APP: variants seen among roughly 807,000 people sequenced by gnomAD.
The protein encoded by APP is amyloid-beta precursor protein.
In APP, 31 loss-of-function variants were observed where a neutral mutation model predicts 101.4. The observed-to-expected ratio is 0.31, with a 90% CI of 0.23 to 0.41. The LOEUF is 0.41. APP is among the 10% of genes least tolerant of loss of function. The pLI is 1.00. For missense variants in APP, 839 were observed against 1,003.7 expected, an observed-to-expected ratio of 0.84 and a Z score of 2.22; for synonymous variants, 366 against 364.4, an observed-to-expected ratio of 1.00 and a Z score of -0.05.
intron 11 of APP, among the ~76,000 whole-genome samples, chr21:25,964,606 C>CTTTTTTTTTT (rs150904952): frequency 8.2e-6 from 1 of 122,568 alleles, no homozygotes; most frequent in Non-Finnish European, 1.7e-5. Flanking sequence ...TTTTTCTTTT[C>CTTTTTTTTTT]TTTTTTTTTT....
intron 2 of APP, among the ~76,000 whole-genome samples, chr21:26,100,986 C>T (rs1304682523): frequency 6.6e-6 from 1 of 152,104 alleles, no homozygotes; most frequent in East Asian, 1.9e-4. Context: ...ACATCAACAC[C>T]TTCAAGAAGC....
At chr21:26,117,899 A>G (rs1220754111) in intron 1 of APP, among the ~76,000 whole-genome samples, 1 of 152,224 alleles carries the variant, frequency 6.6e-6, no homozygotes, top group Non-Finnish European at 1.5e-5. Context: ...AATTCCTTTC[A>G]GAGGAGTAAT....
intron 10 of APP, 150 bp downstream of exon 10, chr21:25,975,804 A>G (rs1156969364): frequency 2.9e-6 from 2 of 699,536 alleles, no homozygotes; most frequent in African/African-American, 3.5e-5. Context: ...TAAACAACTC[A>G]ATTACTAGAC....
chr21:25,980,755 G>T (rs2042401542), intron 9 of APP, among the ~76,000 whole-genome samples: 1 of 152,118 alleles, frequency 6.6e-6, no homozygotes, highest in African/African-American at 2.4e-5. Flanking sequence ...TTCAAGGGTA[G>T]ATTTTCTTAT....
chr21:26,146,147 C>A (rs2063149926), intron 1 of APP, among the ~76,000 whole-genome samples: 1 of 152,200 alleles, frequency 6.6e-6, no homozygotes, highest in Non-Finnish European at 1.5e-5. Flanking sequence ...CCAGCCTGGC[C>A]AACATGGTGA....
At chr21:25,986,971 T>C (rs914263152) in intron 8 of APP, among the ~76,000 whole-genome samples, 27 of 152,206 alleles carry the variant, frequency 1.8e-4, no homozygotes, top group African/African-American at 6.3e-4. Context: ...CTGTTAAGAT[T>C]GGGTAAGCCA....
At chr21:26,148,312 C>T (rs1313116537) in intron 1 of APP, among the ~76,000 whole-genome samples, 3 of 152,192 alleles carry the variant, frequency 2.0e-5, no homozygotes, top group Admixed American at 1.3e-4. Flanking sequence ...GTCACCAGTG[C>T]CTGGTCACCG....
At chr21:26,033,670 A>C (rs1490118005) in intron 5 of APP, among the ~76,000 whole-genome samples, 1 of 152,202 alleles carries the variant, frequency 6.6e-6, no homozygotes, top group African/African-American at 2.4e-5. Flanking sequence ...CTGAAGCAGA[A>C]GAGTGGCAAG....
In APP at chr21:26,117,277, G is replaced by A. The variant is rs530569023; in HGVS notation, c.58-5131C>T. Among the ~76,000 whole-genome samples the A allele has an allele frequency of 9.8e-5, 15 of 152,354 alleles. No homozygotes were observed. The South Asian group carries it at 2.7e-3, about 27-fold the overall frequency. Reference sequence around the variant, plus strand: ...CATAATTCAACTATACCCCACAAGAGTGCTTTACATTTTCATATTAAAACA... The same window carrying A: ...CATAATTCAACTATACCCCACAAGAATGCTTTACATTTTCATATTAAAACA... On this transcript the variant is annotated intron_variant, in intron 1 of 17. Transcript: ENST00000346798.
chr21:26,075,566 G>A (rs1222529804), intron 3 of APP, among the ~76,000 whole-genome samples: 1 of 152,108 alleles, frequency 6.6e-6, no homozygotes, highest in Non-Finnish European at 1.5e-5. Flanking sequence ...TCTATTAAAA[G>A]AGCTAACATA....
At chr21:25,927,871 G>A (rs577394906) in intron 13 of APP, among the ~76,000 whole-genome samples, 3 of 152,230 alleles carry the variant, frequency 2.0e-5, no homozygotes, top group Admixed American at 6.5e-5. Context: ...ACCTACCAGT[G>A]GCATCAGTCA....
chr21:25,952,189 C>CAT (rs140120458), intron 13 of APP, among the ~76,000 whole-genome samples: 1 of 136,322 alleles, frequency 7.3e-6, no homozygotes, highest in African/African-American at 2.7e-5. Flanking sequence ...ATATTACATA[C>CAT]ATACACACAC....
intron 6 of APP, among the ~76,000 whole-genome samples, chr21:26,015,887 G>T (rs1199700774): frequency 1.3e-5 from 2 of 151,646 alleles, no homozygotes; most frequent in Non-Finnish European, 2.9e-5. Context: ...TCCAAAACAT[G>T]AAAACATCCA....
rs1405944316 is a variant in APP at position 26,028,922 on chromosome 21, G to A, written c.663-6880C>T. Among the ~76,000 whole-genome samples, 3 of 152,306 alleles carry A rather than the reference G, an allele frequency of 2.0e-5. No homozygotes were observed. In the East Asian group the frequency reaches 5.8e-4, roughly 29 times the overall value. Reference sequence around the variant, plus strand: ...TATGATAGATGTGTGCCAGGGATGGGTAGCATTTCAAACAGGGTGGTCAGG... The same window carrying A: ...TATGATAGATGTGTGCCAGGGATGGATAGCATTTCAAACAGGGTGGTCAGG... On this transcript the variant is annotated intron_variant, in intron 5 of 17. Coordinates refer to ENST00000346798, the MANE Select transcript of APP (RefSeq NM_000484.4).
At position 25,971,273 on chromosome 21, in the gene APP, C is replaced by G. The variant is rs530216413; in HGVS notation, c.1458+3797G>C. Among the ~76,000 whole-genome samples, 564 of 152,252 alleles carry G rather than the reference C, an allele frequency of 3.7e-3. 5 individuals are homozygous for G. The highest frequency in any genetic ancestry group is 5.3e-3 in the Non-Finnish European group (362 of 68,036). On this transcript the variant is annotated intron_variant, in intron 11 of 17. Transcript: ENST00000346798. ...ATGTTGGCCAGGATGGTCTTGATCTCTTGACCTCGTGATCCGCCCGCCTTG... is the reference window on the plus strand; with the variant it reads ...ATGTTGGCCAGGATGGTCTTGATCTGTTGACCTCGTGATCCGCCCGCCTTG...
At chr21:26,095,994 A>G (rs1306745637) in intron 2 of APP, among the ~76,000 whole-genome samples, 1 of 152,238 alleles carries the variant, frequency 6.6e-6, no homozygotes, top group Non-Finnish European at 1.5e-5. Context: ...AGCCTCTGTC[A>G]GCTAGTAGAA....
At chr21:25,913,629 C>A (rs1386203603) in intron 13 of APP, among the ~76,000 whole-genome samples, 1 of 152,152 alleles carries the variant, frequency 6.6e-6, no homozygotes, top group East Asian at 1.9e-4. Flanking sequence ...AGGAAATAAC[C>A]TTTGCCAGCG....
At chr21:25,899,965 C>A (rs1351448914) in intron 15 of APP, among the ~76,000 whole-genome samples, 1 of 152,086 alleles carries the variant, frequency 6.6e-6, no homozygotes, top group Non-Finnish European at 1.5e-5. Flanking sequence ...TCTCAATGAC[C>A]TAACCCTCAA....
At chr21:26,031,325 C>A (rs575273460) in intron 5 of APP, among the ~76,000 whole-genome samples, 1 of 152,150 alleles carries the variant, frequency 6.6e-6, no homozygotes, top group African/African-American at 2.4e-5. Flanking sequence ...TTGTGAAGAC[C>A]TATTCCTTAG....
Sources: allele counts gnomAD v4.1 joint callset (sites outside exome capture counted in the v4.1 genomes callset), GRCh38; gene constraint gnomAD v4.1.1; transcripts MANE v1.5; gene names NCBI Gene and HGNC (gene_info 2026-07-23, HGNC 2026-07-21).